The following RASAL1 variants were observed in gnomAD, a reference collection of about 807,000 sequenced individuals.
The protein encoded by RASAL1 is rasGAP-activating-like protein 1.
In RASAL1, 72 loss-of-function variants were observed where a neutral mutation model predicts 96.6. The ratio of observed to expected loss-of-function variants is 0.75; its 90% CI spans 0.62 to 0.91. The LOEUF (loss-of-function observed/expected upper bound fraction) is 0.91, where lower values mean the gene tolerates loss of function less well. RASAL1 is among the 40% of genes least tolerant of loss of function. The pLI is 0.00. For missense variants in RASAL1, 1,016 were observed against 1,072.5 expected, an observed-to-expected ratio of 0.95 and a Z score of 0.74; for synonymous variants, 405 against 430.4, an observed-to-expected ratio of 0.94 and a Z score of 0.73.
intron 4 of RASAL1, among the ~76,000 whole-genome samples, chr12:113,124,098 A>G (rs1951395895): frequency 6.6e-6 from 1 of 152,072 alleles, no homozygotes; most frequent in Non-Finnish European, 1.5e-5. Flanking sequence ...CATGCCTGCA[A>G]TCCCAGCTAC....
intron 16 of RASAL1, 116 bp downstream of exon 16, chr12:113,105,598 A>G (rs1950615431): frequency 1.7e-6 from 2 of 1,144,404 alleles, no homozygotes; most frequent in African/African-American, 3.1e-5. Flanking sequence ...TTAAGTTGCT[A>G]TGGCATCTTG....
chr12:113,107,177 G>A lies in RASAL1; in HGVS notation c.1577C>T (p.Pro526Leu), dbSNP rs1394704434. Residue 526 changes from proline to leucine, a missense_variant, in exon 15 of 21, where the codon CCC becomes CTC. By Grantham distance (98) the Pro-to-Leu change is moderately conservative (BLOSUM62 -3). Coordinates refer to ENST00000548055, the MANE Select transcript of RASAL1 (RefSeq NM_001301202.2). ...ACACTGCAGCAGGAAGGGGTGCAGG[G>A]GGGCCATCCACAGTTCCTTGCCTTG... ...LGQGKELWMA[P>L]LHPFLLQCVS... 6.2e-7 allele frequency: 1 copy of A among 1,613,816 alleles called. No homozygotes were observed. Among genetic ancestry groups the A allele is most frequent in the Non-Finnish European group, 8.5e-7 (1 of 1,179,802 alleles).
At chr12:113,113,444 C>T (rs1253736242) in intron 12 of RASAL1, among the ~76,000 whole-genome samples, 2 of 152,210 alleles carry the variant, frequency 1.3e-5, no homozygotes, top group Non-Finnish European at 2.9e-5. Context: ...CTACATGCCC[C>T]TGTCCCCATG....
chr12:113,107,288 G>A (rs760709849), intron 14 of RASAL1, 47 bp from the exon 15 acceptor site: 10 of 1,524,480 alleles, frequency 6.6e-6, no homozygotes, highest in Non-Finnish European at 8.8e-6. Flanking sequence ...CACAGCAGAG[G>A]GTAGGGCCCC....
intron 11 of RASAL1, 73 bp from the exon 12 acceptor site, chr12:113,114,985 G>C: frequency 7.8e-7 from 1 of 1,278,736 alleles, no homozygotes; most frequent in Non-Finnish European, 1.1e-6. Flanking sequence ...TGGGCGCAGG[G>C]GGGACCATGC....
At chr12:113,124,644 G>C (rs2045785078) in intron 4 of RASAL1, among the ~76,000 whole-genome samples, 1 of 152,206 alleles carries the variant, frequency 6.6e-6, no homozygotes, top group Non-Finnish European at 1.5e-5. Flanking sequence ...GAACCTTCTA[G>C]AAGGGGGAAG....
intron 4 of RASAL1, among the ~76,000 whole-genome samples, chr12:113,123,754 T>A (rs1951381790): frequency 6.6e-6 from 1 of 152,148 alleles, no homozygotes. Flanking sequence ...CATCTAATTT[T>A]TGTATTTTCA....
intron 4 of RASAL1, among the ~76,000 whole-genome samples, chr12:113,127,155 C>A (rs974001083): frequency 9.9e-5 from 15 of 152,020 alleles, no homozygotes; most frequent in Non-Finnish European, 2.1e-4. Flanking sequence ...TCTGCCTCTG[C>A]CTCCCAAGGT....
Position 113,119,433 on chromosome 12 carries a change from G to A in RASAL1, c.439C>T (p.Pro147Ser). ...CHVLQARDLA[P>S]RDISGTSDPF... Reference sequence around the variant, plus strand: ...TCAGATGTGCCAGAGATGTCTCTGGGAGCCAGGTCCCTGGGAACAGATGGG... The same window carrying A: ...TCAGATGTGCCAGAGATGTCTCTGGAAGCCAGGTCCCTGGGAACAGATGGG... The change falls in exon 6 of 21, where the codon CCC becomes TCC. Residue 147 changes from proline (P) to serine (S), a missense_variant. Physicochemically the swap from Pro to Ser is moderately conservative, Grantham distance 74. Coordinates refer to ENST00000548055, the MANE Select transcript of RASAL1 (RefSeq NM_001301202.2). 3 of 1,605,084 alleles carry A rather than the reference G, an allele frequency of 1.9e-6. No homozygotes were observed. The highest frequency in any genetic ancestry group is 2.6e-6 in the Non-Finnish European group (3 of 1,174,822).
intron 7 of RASAL1, among the ~76,000 whole-genome samples, chr12:113,118,491 A>G (rs1420439413): frequency 6.6e-6 from 1 of 152,186 alleles, no homozygotes; most frequent in East Asian, 1.9e-4. Flanking sequence ...TTGTGTGAAG[A>G]TAAGTTTTCA....
Position 113,101,891 on chromosome 12 carries a change from G to A in RASAL1, c.2223C>T (p.Leu741=). 1 of 1,613,246 alleles carries A rather than the reference G, an allele frequency of 6.2e-7. No homozygotes were observed. Among genetic ancestry groups the A allele is most frequent in the African/African-American group, 1.3e-5 (1 of 75,050 alleles). ...GTGGGATGGGTGGGGGCACCCACCT[G>A]AGCTGGTCCCGCCCCAGGAGCAGCT... ...YRQLLLGRDQ[L]RLKLLEDSNM... is the part of the protein sequence containing the mutation. The change falls in exon 19 of 21, where the codon CTC becomes CTT. Residue 741 remains leucine, a splice_region_variant and synonymous_variant. Transcript: ENST00000548055.
At chr12:113,114,092 C>T (rs554935767) in intron 12 of RASAL1, among the ~76,000 whole-genome samples, 51 of 152,322 alleles carry the variant, frequency 3.3e-4, no homozygotes, top group African/African-American at 1.2e-3. Context: ...ATAATATTCT[C>T]ACCAGCTGGA....
At chr12:113,107,539 C>T (rs1438540173) in intron 14 of RASAL1, 1 of 534,348 alleles carries the variant, frequency 1.9e-6, no homozygotes, top group Non-Finnish European at 3.6e-6. Flanking sequence ...GGGAAGATCA[C>T]TTGAACCGAG....
At chr12:113,106,949 T>G (rs1950667586) in intron 15 of RASAL1, 148 bp downstream of exon 15, 1 of 922,340 alleles carries the variant, frequency 1.1e-6, no homozygotes, top group African/African-American at 1.7e-5. Flanking sequence ...CTCTGGGGCC[T>G]AGCACAGTAA....
At chr12:113,119,099 T>A in intron 7 of RASAL1, 29 bp downstream of exon 7, 1 of 1,562,188 alleles carries the variant, frequency 6.4e-7, no homozygotes, top group Non-Finnish European at 8.7e-7. Context: ...TGGGGAGCCA[T>A]GGAGGGTATT....
intron 19 of RASAL1, among the ~76,000 whole-genome samples, 163 bp downstream of exon 19, chr12:113,101,726 A>G (rs954532411): frequency 6.8e-6 from 1 of 146,234 alleles, no homozygotes; most frequent in African/African-American, 2.5e-5. Flanking sequence ...ATGCTTCCCA[A>G]GCCCTGACTG....
intron 1 of RASAL1, 116 bp from the exon 2 acceptor site, chr12:113,131,057 C>T (rs1057417765): frequency 1.4e-6 from 1 of 727,138 alleles, no homozygotes; most frequent in Non-Finnish European, 2.3e-6. Flanking sequence ...GGGGACTTGC[C>T]CAGGGTCACA....
At chr12:113,121,376 A>G (rs903661739) in intron 5 of RASAL1, 133 bp downstream of exon 5, 32 of 1,428,882 alleles carry the variant, frequency 2.2e-5, no homozygotes, top group African/African-American at 2.9e-5. Flanking sequence ...GTTTGTCCAC[A>G]CAGGGAACCT....
intron 4 of RASAL1, among the ~76,000 whole-genome samples, chr12:113,122,521 T>C (rs924923744): frequency 1.3e-5 from 2 of 151,768 alleles, no homozygotes; most frequent in Non-Finnish European, 2.9e-5. Context: ...GACGAGGTTT[T>C]GCCATGTTGC....
Sources: gnomAD v4.1 joint callset for allele counts (sites outside exome capture counted in the v4.1 genomes callset) on GRCh38, gnomAD v4.1.1 for gene constraint, MANE v1.5 for transcripts, NCBI Gene and HGNC (gene_info 2026-07-23, HGNC 2026-07-21) for gene names.